Variants in SUGCT observed in about 807,000 individuals in gnomAD.
SUGCT encodes succinyl-CoA:glutarate CoA-transferase.
SUGCT carries 41 observed loss-of-function variants against 55.0 expected under a neutral mutation model. That is an observed-to-expected ratio of 0.74 (90% confidence interval 0.58 to 0.97). The LOEUF is 0.97. Among genes scored for constraint, SUGCT ranks in the 50% least tolerant of loss-of-function variants. The pLI is 0.00. For missense variants in SUGCT, 568 were observed against 547.8 expected, an observed-to-expected ratio of 1.04 and a Z score of -0.37; for synonymous variants, 187 against 200.4, an observed-to-expected ratio of 0.93 and a Z score of 0.56.
intron 7 of SUGCT, among the ~76,000 whole-genome samples, chr7:40,259,413 G>C (rs1005742549): frequency 2.6e-5 from 4 of 152,150 alleles, no homozygotes; most frequent in Non-Finnish European, 4.4e-5. Context: ...GTGGCTACGC[G>C]ACTGTATTGT....
the SUGCT span, among the ~76,000 whole-genome samples, chr7:40,954,164 C>T: frequency 6.6e-6 from 1 of 152,308 alleles, no homozygotes; most frequent in South Asian, 2.1e-4. Flanking sequence ...GGTGCCCCTC[C>T]CCCAGCCTTG....
In SUGCT at chr7:40,340,713, T is replaced by C. The variant is rs73688041; in HGVS notation, c.816+23858T>C. On this transcript the variant is annotated intron_variant, in intron 9 of 13. Transcript: ENST00000335693. ...GGAGCCAGTCCGGCTATAAAGGAATTCAAGACACAGCACAAAAAGGACTGC... is the reference window on the plus strand; with the variant it reads ...GGAGCCAGTCCGGCTATAAAGGAATCCAAGACACAGCACAAAAAGGACTGC... Among the ~76,000 whole-genome samples, 231 of 152,236 alleles carry C rather than the reference T, an allele frequency of 1.5e-3. 1 individual carries two copies. The highest frequency in any genetic ancestry group is 5.4e-3 in the African/African-American group (223 of 41,542).
Position 40,245,404 on chromosome 7 carries a change from C to CATATATATATATATATATATAT in SUGCT, c.576+7698_576+7699insATATATATATATATATATATAT, listed in dbSNP as rs202125224. 4.0e-3 allele frequency among the ~76,000 whole-genome samples: 210 copies of CATATATATATATATATATATAT among 53,068 alleles called. 2 individuals are homozygous for CATATATATATATATATATATAT. The highest frequency in any genetic ancestry group is 0.01 in the East Asian group (14 of 1,364). The allele number at this position is 53,068 out of a possible 152,430, so 34.8% of individuals were successfully genotyped here. A position where few individuals can be genotyped will look rare whatever the true frequency, so the allele number is the denominator to read the frequency against. ...TAAATTTTTATAGGTACGTAGTAGA[C>CATATATATATATATATATATAT]ATATATATATATATATATATTTTTT... On this transcript the variant is annotated intron_variant, in intron 7 of 13. Coordinates refer to ENST00000335693, the MANE Select transcript of SUGCT (RefSeq NM_001193313.2).
At chr7:40,596,373 C>T (rs1003833848) in intron 12 of SUGCT, among the ~76,000 whole-genome samples, 3 of 152,150 alleles carry the variant, frequency 2.0e-5, no homozygotes, top group African/African-American at 7.2e-5. Flanking sequence ...AAGGACCAGA[C>T]AGCCACAGAT....
At chr7:40,486,637 C>T (rs989503199) in intron 11 of SUGCT, among the ~76,000 whole-genome samples, 6 of 150,746 alleles carry the variant, frequency 4.0e-5, no homozygotes, top group Non-Finnish European at 8.9e-5. Flanking sequence ...ACTGCTTTTG[C>T]TGTGTTTCAT....
intron 7 of SUGCT, among the ~76,000 whole-genome samples, chr7:40,270,060 C>T (rs1791901446): frequency 6.8e-6 from 1 of 147,918 alleles, no homozygotes; most frequent in Non-Finnish European, 1.5e-5. Context: ...TGCATGAACC[C>T]AGGAGGTGGA....
At chr7:40,439,452 C>A (rs1324947109) in intron 9 of SUGCT, among the ~76,000 whole-genome samples, 1 of 151,974 alleles carries the variant, frequency 6.6e-6, no homozygotes, top group East Asian at 1.9e-4. Context: ...ACACATATAT[C>A]TTTTTGTCAT....
intron 8 of SUGCT, among the ~76,000 whole-genome samples, chr7:40,293,605 G>A (rs1159572815): frequency 1.3e-5 from 2 of 152,066 alleles, no homozygotes; most frequent in Non-Finnish European, 2.9e-5. Flanking sequence ...ACTCAGTCTG[G>A]GGCAGGATTC....
the SUGCT span, chr7:40,967,236 C>T: frequency 2.0e-5 from 3 of 152,170 alleles, no homozygotes; most frequent in Non-Finnish European, 2.9e-5. Context: ...TGCAATCTCA[C>T]CAGTATGCAA....
At chr7:40,217,458 G>T (rs1356105536) in intron 6 of SUGCT, 1 of 444,636 alleles carries the variant, frequency 2.2e-6, no homozygotes, top group Non-Finnish European at 4.5e-6. Flanking sequence ...GCAATCTGCC[G>T]GCTCTGGTCT....
chr7:40,308,121 A>C (rs1378380844), intron 8 of SUGCT, among the ~76,000 whole-genome samples: 1 of 152,226 alleles, frequency 6.6e-6, no homozygotes, highest in Non-Finnish European at 1.5e-5. Context: ...TACAGGGGAT[A>C]GTAGAGGACT....
chr7:40,399,383 C>G (rs1785934230), intron 9 of SUGCT, among the ~76,000 whole-genome samples: 1 of 151,982 alleles, frequency 6.6e-6, no homozygotes, highest in Admixed American at 6.6e-5. Flanking sequence ...AAAAACCTAA[C>G]CCAAATTGGC....
intron 11 of SUGCT, among the ~76,000 whole-genome samples, chr7:40,465,334 G>A (rs1790042591): frequency 6.6e-6 from 1 of 152,158 alleles, no homozygotes; most frequent in Admixed American, 6.5e-5. Context: ...GGCTGGCTGG[G>A]TACAGTGGTT....
At chr7:40,237,827 G>C in intron 7 of SUGCT, 101 bp downstream of exon 7, 1 of 884,482 alleles carries the variant, frequency 1.1e-6, no homozygotes, top group Non-Finnish European at 1.7e-6. Context: ...TTGTTAGGTT[G>C]GGGCAAAAGT....
At chr7:40,274,765 C>T in intron 8 of SUGCT, 109 bp downstream of exon 8, 1 of 964,848 alleles carries the variant, frequency 1.0e-6, no homozygotes, top group East Asian at 2.5e-5. Context: ...CAAAAACCAA[C>T]ACAACAACAC....
At chr7:40,308,962 G>A (rs1294730883) in intron 8 of SUGCT, among the ~76,000 whole-genome samples, 1 of 152,170 alleles carries the variant, frequency 6.6e-6, no homozygotes, top group African/African-American at 2.4e-5. Context: ...ATGAGAGATT[G>A]TGCCACTGCA....
rs1282022525 is a variant in SUGCT at position 40,160,674 on chromosome 7, A to G, written c.101-20273A>G. Among the ~76,000 whole-genome samples the G allele has an allele frequency of 2.0e-5, 3 of 152,222 alleles. No individual in the cohort carries two copies. In the East Asian group the frequency reaches 5.8e-4, roughly 29 times the overall value. On this transcript the variant is annotated intron_variant, in intron 1 of 13. Coordinates refer to ENST00000335693, the MANE Select transcript of SUGCT (RefSeq NM_001193313.2). ...ATTCATATAAACCTATAAGAAAAAG[A>G]TAAATGTGCATGTAGAAATATGGAC...
intron 12 of SUGCT, among the ~76,000 whole-genome samples, chr7:40,518,112 G>A (rs1562832335): frequency 6.6e-6 from 1 of 151,978 alleles, no homozygotes. Flanking sequence ...ATTCACTCAA[G>A]CCTACAGTAT....
At chr7:40,530,154 G>T (rs985366374) in intron 12 of SUGCT, among the ~76,000 whole-genome samples, 83 of 152,232 alleles carry the variant, frequency 5.5e-4, no homozygotes, top group African/African-American at 1.9e-3. Flanking sequence ...TTTATACCAG[G>T]AAGAACTGTA....
Sources: gnomAD v4.1 joint callset for allele counts (sites outside exome capture counted in the v4.1 genomes callset) on GRCh38, gnomAD v4.1.1 for gene constraint, MANE v1.5 for transcripts, NCBI Gene and HGNC (gene_info 2026-07-23, HGNC 2026-07-21) for gene names.